Variants in MAP3K13 observed in about 807,000 individuals in gnomAD.
The protein encoded by MAP3K13 is leucine zipper-bearing kinase.
Under a neutral mutation model 104.0 loss-of-function variants are expected in MAP3K13, and 52 were observed. That is an observed-to-expected ratio of 0.50 (90% CI 0.40 to 0.63). MAP3K13 has a LOEUF of 0.63. Ranked by LOEUF, MAP3K13 falls within the 20% of genes least tolerant of loss-of-function variation. MAP3K13 has a pLI of 0.00. For synonymous variants in MAP3K13, 394 were observed against 442.2 expected, an observed-to-expected ratio of 0.89 and a Z score of 1.37; for missense variants, 914 against 1,218.5, an observed-to-expected ratio of 0.75 and a Z score of 3.72.
chr3:185,479,453 T>G (rs1193452733), intron 12 of MAP3K13, among the ~76,000 whole-genome samples: 4 of 152,216 alleles, frequency 2.6e-5, no homozygotes, highest in Non-Finnish European at 5.9e-5. Context: ...AGTCCAGAGA[T>G]TCTCCAAAGT....
At position 185,463,647 on chromosome 3, in the gene MAP3K13, G is replaced by A; in HGVS notation, c.1376G>A (p.Arg459Lys). Residue 459 changes from arginine (R) to lysine (K), a missense_variant, in exon 8 of 14, where the codon AGA (arginine) becomes AAA (lysine). Transcript: ENST00000265026. The part of the protein sequence containing the change: ...RLDEELIRRR[R>K]EELRHALDIR... ...GATGAAGAACTGATTCGAAGGCGCAGAGAAGAGCTCAGGTCAGCTCATCCC... is the reference window on the plus strand; with the variant it reads ...GATGAAGAACTGATTCGAAGGCGCAAAGAAGAGCTCAGGTCAGCTCATCCC... The A allele has an allele frequency of 6.2e-7, 1 of 1,610,444 alleles. No homozygotes were observed. The highest frequency in any genetic ancestry group is 8.5e-7 in the Non-Finnish European group (1 of 1,176,958).
intron 11 of MAP3K13, among the ~76,000 whole-genome samples, chr3:185,474,300 T>C (rs1717982488): frequency 6.6e-6 from 1 of 152,180 alleles, no homozygotes; most frequent in South Asian, 2.1e-4. Flanking sequence ...CACTCCAGCC[T>C]GGGTGGCAGA....
intron 2 of MAP3K13, among the ~76,000 whole-genome samples, chr3:185,295,782 T>C (rs1312609515): frequency 6.6e-6 from 1 of 152,206 alleles, no homozygotes; most frequent in African/African-American, 2.4e-5. Flanking sequence ...AGGAGGGCAA[T>C]GACTGGTGCA....
chr3:185,448,538 C>G (rs1488515547), intron 5 of MAP3K13, among the ~76,000 whole-genome samples: 1 of 152,142 alleles, frequency 6.6e-6, no homozygotes, highest in Non-Finnish European at 1.5e-5. Flanking sequence ...TTAAAATTGG[C>G]AACTAGTAAC....
At chr3:185,338,686 T>C (rs765093857) in intron 2 of MAP3K13, among the ~76,000 whole-genome samples, 4 of 152,232 alleles carry the variant, frequency 2.6e-5, no homozygotes, top group Non-Finnish European at 4.4e-5. Flanking sequence ...TTCTTCTTGA[T>C]TCTTTTTTAT....
chr3:185,459,497 G>C (rs1275062846), intron 7 of MAP3K13, among the ~76,000 whole-genome samples: 4 of 151,984 alleles, frequency 2.6e-5, no homozygotes, highest in Non-Finnish European at 2.9e-5. Context: ...ACCCCGGCTG[G>C]AGTGCAGTGG....
intron 1 of MAP3K13, among the ~76,000 whole-genome samples, chr3:185,391,435 C>G (rs1712047851): frequency 6.6e-6 from 1 of 152,062 alleles, no homozygotes; most frequent in South Asian, 2.1e-4. Context: ...TAATACATCT[C>G]AAGGATTTTG....
intron 2 of MAP3K13, among the ~76,000 whole-genome samples, chr3:185,357,603 A>G (rs912845214): frequency 3.9e-5 from 6 of 152,124 alleles, no homozygotes; most frequent in Non-Finnish European, 7.4e-5. Flanking sequence ...AATCCTGCAA[A>G]GGTTTGGTTT....
intron 2 of MAP3K13, among the ~76,000 whole-genome samples, chr3:185,294,765 G>C (rs965195005): frequency 1.3e-5 from 2 of 152,202 alleles, no homozygotes; most frequent in Non-Finnish European, 2.9e-5. Context: ...TAGGAAGTAG[G>C]ATCTACCTAT....
At chr3:185,322,840 T>C (rs918597533) in intron 2 of MAP3K13, among the ~76,000 whole-genome samples, 1 of 152,238 alleles carries the variant, frequency 6.6e-6, no homozygotes, top group African/African-American at 2.4e-5. Context: ...GCAAGTATTT[T>C]TTATTTTTTC....
At chr3:185,354,148 A>C (rs1192085185) in intron 2 of MAP3K13, among the ~76,000 whole-genome samples, 2 of 151,790 alleles carry the variant, frequency 1.3e-5, no homozygotes, top group Non-Finnish European at 2.9e-5. Context: ...CTCACTTCAC[A>C]TTCCCAGAGC....
chr3:185,386,508 T>G (rs1711700150), intron 1 of MAP3K13, among the ~76,000 whole-genome samples: 1 of 152,150 alleles, frequency 6.6e-6, no homozygotes, highest in African/African-American at 2.4e-5. Context: ...CTAAAACACG[T>G]AGAGGTAAAA....
rs1720752584 is a variant in MAP3K13, at chr3:185,291,893, C to T, written c.-86+6250C>T. 2.9e-6 allele frequency: 3 copies of T among 1,042,446 alleles called. No individual in the cohort carries two copies. In the African/African-American group the frequency reaches 6.4e-5, roughly 22 times the overall value. 64.6% of individuals were successfully genotyped at this position (1,042,446 alleles called of 1,614,324 possible). On this transcript the variant is annotated intron_variant, in intron 2 of 14. Coordinates refer to the MAP3K13 transcript ENST00000424227. Reference sequence around the variant, plus strand: ...TTCCTTTAGACTAGAGCCAAGGAGACAGTGCTTTCCAAAAAAAAAAAAAAA... The same window carrying T: ...TTCCTTTAGACTAGAGCCAAGGAGATAGTGCTTTCCAAAAAAAAAAAAAAA...
chr3:185,361,165 G>C (rs116228877), upstream of MAP3K13, among the ~76,000 whole-genome samples: 556 of 148,358 alleles, frequency 3.7e-3, 3 homozygotes, highest in African/African-American at 0.013. Flanking sequence ...GATTTTATAT[G>C]TGTGTGTATA....
chr3:185,298,598 A>G (rs1487942916), intron 2 of MAP3K13, among the ~76,000 whole-genome samples: 1 of 152,220 alleles, frequency 6.6e-6, no homozygotes, highest in Non-Finnish European at 1.5e-5. Flanking sequence ...TTTTTTAAGA[A>G]GTCAAGTATC....
rs1328500041 is a variant in MAP3K13 at position 185,299,874 on chromosome 3, C to G, written c.-86+14231C>G. On this transcript the variant is annotated intron_variant, in intron 2 of 14. Transcript: ENST00000424227. ...AGCCACCGCGCCCGGCCCTCTCTCT[C>G]TCTTTTTAAAACAATTTTTAAAGAT... Among the ~76,000 whole-genome samples the G allele has an allele frequency of 1.3e-5, 2 of 151,300 alleles. 1 individual carries two copies. Among genetic ancestry groups the G allele is most frequent in the East Asian group, 3.9e-4 (2 of 5,138 alleles).
At chr3:185,384,325 T>TGTGC (rs1211802176) in intron 1 of MAP3K13, among the ~76,000 whole-genome samples, 10 of 151,934 alleles carry the variant, frequency 6.6e-5, no homozygotes, top group South Asian at 2.1e-4. Context: ...TGTGTGTGTG[T>TGTGC]GTGTGTGTGT....
intron 1 of MAP3K13, among the ~76,000 whole-genome samples, chr3:185,404,762 A>C (rs1283301553): frequency 6.6e-6 from 1 of 152,156 alleles, no homozygotes; most frequent in Non-Finnish European, 1.5e-5. Flanking sequence ...TTTTTAGTAC[A>C]GATGGGGTTT....
In MAP3K13 at chr3:185,443,422, A is replaced by G. The variant is rs780650204; in HGVS notation, c.660-23A>G. ...TATACTTGTATGTGTGTATTGATGTACATGTTTATGTTTTCTTGGAAGGGG... is the reference window on the plus strand; with the variant it reads ...TATACTTGTATGTGTGTATTGATGTGCATGTTTATGTTTTCTTGGAAGGGG... On this transcript the variant is annotated intron_variant, in intron 3 of 13. Transcript: ENST00000265026. 1.2e-5 allele frequency: 19 copies of G among 1,564,830 alleles called. No individual in the cohort carries two copies. The Admixed American group carries it at 2.1e-4, about 17-fold the overall frequency.
Sources: allele counts gnomAD v4.1 joint callset (sites outside exome capture counted in the v4.1 genomes callset), GRCh38; gene constraint gnomAD v4.1.1; transcripts MANE v1.5; gene names NCBI Gene and HGNC (gene_info 2026-07-23, HGNC 2026-07-21).